Variants in GPI observed in about 807,000 individuals in gnomAD.
The protein encoded by GPI is glucose-6-phosphate isomerase, also known as D-hexose-6-phosphate anomerase.
In GPI, 56 loss-of-function variants were observed where a neutral mutation model predicts 75.8. That is an observed-to-expected ratio of 0.74 (90% confidence interval 0.60 to 0.92). The LOEUF is 0.92. Ranked by LOEUF, GPI falls within the 40% of genes least tolerant of loss-of-function variation. The probability of loss-of-function intolerance (pLI) is 0.00; values close to 1 mark genes in which losing one functional copy is unlikely to be tolerated. For synonymous variants in GPI, 288 were observed against 285.4 expected, an observed-to-expected ratio of 1.01 and a Z score of -0.09; for missense variants, 638 against 741.0, an observed-to-expected ratio of 0.86 and a Z score of 1.61.
At chr19:34,380,288 G>C (rs971735623) in intron 8 of GPI, among the ~76,000 whole-genome samples, 6 of 148,424 alleles carry the variant, frequency 4.0e-5, no homozygotes, top group African/African-American at 1.5e-4. Flanking sequence ...GTGCCACCAT[G>C]TCCAGCTTAT....
At position 34,365,234 on chromosome 19, in the gene GPI, C is replaced by T. The variant is rs374135310; in HGVS notation, c.-33C>T. On this transcript the variant is annotated 5_prime_UTR_variant, in exon 1 of 18. Transcript: ENST00000356487. ...TGCCGGCGCTCCTTCCTCCTCGGCT[C>T]GCGTCTCACTCAGTGTACCTTCTAG... is the stretch of plus-strand genomic sequence containing the variant. 6 of 1,468,614 alleles carry T rather than the reference C, an allele frequency of 4.1e-6. No individual in the cohort carries two copies. The South Asian group carries it at 7.0e-5, about 17-fold the overall frequency. 91.0% of individuals were successfully genotyped at this position (1,468,614 alleles called of 1,614,324 possible). A position where few individuals can be genotyped will look rare whatever the true frequency, so the allele number is the denominator to read the frequency against.
At position 34,393,088 on chromosome 19, in the gene GPI, A is replaced by G. The variant is rs1353919825; in HGVS notation, c.805-160A>G. On this transcript the variant is annotated intron_variant, in intron 9 of 17. Transcript: ENST00000356487. This position sits in a 1 kb window ranked among gnomAD's most constrained non-coding sequence, Gnocchi z 4.4. ...TGTAGTCTGCCCTGTTGGTCTTCCC[A>G]TGTGTTGCCAGCACCTGCCTGCTGC... 4.3e-6 allele frequency: 3 copies of G among 690,888 alleles called. No homozygotes were observed. In the East Asian group the frequency reaches 8.1e-5, roughly 19 times the overall value. The allele number at this position is 690,888 out of a possible 1,614,324, so 42.8% of individuals were successfully genotyped here.
At chr19:34,377,994 A>G in intron 6 of GPI, 113 bp downstream of exon 6, 1 of 1,103,704 alleles carries the variant, frequency 9.1e-7, no homozygotes, top group Non-Finnish European at 1.4e-6. Flanking sequence ...TTCCGAGTGA[A>G]CCATGGTTTG....
chr19:34,373,432 C>T (rs1001481387), intron 4 of GPI, among the ~76,000 whole-genome samples: 7 of 150,378 alleles, frequency 4.7e-5, no homozygotes, highest in East Asian at 2.0e-4. Context: ...TGGTGCATGC[C>T]GGTAGTCCCA....
chr19:34,370,615 C>T lies in GPI; in HGVS notation c.402+1913C>T, dbSNP rs150111969. ...TGGCGAGCACCTGTAATATCAGCTA[C>T]TGGGGAGGCTGAGGCAGGAGAATCT... On this transcript the variant is annotated intron_variant, in intron 4 of 17. Coordinates refer to ENST00000356487, the MANE Select transcript of GPI (RefSeq NM_000175.5). Among the ~76,000 whole-genome samples the T allele has an allele frequency of 9.9e-5, 15 of 152,024 alleles. No individual in the cohort carries two copies. The East Asian group carries it at 2.7e-3, about 27-fold the overall frequency.
intron 6 of GPI, 51 bp from the exon 7 acceptor site, chr19:34,378,883 C>CT (rs1219246539): frequency 3.5e-6 from 5 of 1,421,026 alleles, no homozygotes; most frequent in African/African-American, 1.4e-5. Flanking sequence ...GGCTCAAGGC[C>CT]TGCACCCACC....
At chr19:34,368,803 G>T in intron 4 of GPI, 101 bp downstream of exon 4, 1 of 1,378,934 alleles carries the variant, frequency 7.3e-7, no homozygotes, top group South Asian at 1.2e-5. Context: ...TTGTAGGCAG[G>T]ACTCAGGTTC....
At position 34,400,038 on chromosome 19, in the gene GPI, C is replaced by T. The variant is rs373951256; in HGVS notation, c.*2C>T. On this transcript the variant is annotated 3_prime_UTR_variant, in exon 18 of 18. Coordinates refer to ENST00000356487, the MANE Select transcript of GPI (RefSeq NM_000175.5). ...CAGCGCGAGGCCAGAGTCCAATAAA[C>T]TCGTGCTCATCTGCAGCCTCCTCTG... 1.6e-5 allele frequency: 25 copies of T among 1,610,610 alleles called. No homozygotes were observed. Among genetic ancestry groups the T allele is most frequent in the Non-Finnish European group, 1.8e-5 (21 of 1,179,976 alleles).
chr19:34,395,761 C>T (rs1203952700), intron 12 of GPI, among the ~76,000 whole-genome samples: 1 of 152,110 alleles, frequency 6.6e-6, no homozygotes, highest in East Asian at 1.9e-4. Context: ...TGCCTGTGGA[C>T]ACGTGTGCAG....
intron 1 of GPI, 124 bp downstream of exon 1, chr19:34,365,512 A>T (rs2074347670): frequency 7.0e-7 from 1 of 1,422,586 alleles, no homozygotes; most frequent in Non-Finnish European, 9.5e-7. Context: ...CAGGCCACGG[A>T]CTGGGGCCCA....
At chr19:34,379,616 C>A in intron 8 of GPI, 54 bp downstream of exon 8, 1 of 1,393,322 alleles carries the variant, frequency 7.2e-7, no homozygotes, top group Non-Finnish European at 1.0e-6. Flanking sequence ...CCAGCATGTC[C>A]AGGTCATGGC....
chr19:34,395,525 G>A (rs1488148180), intron 12 of GPI, among the ~76,000 whole-genome samples: 1 of 152,188 alleles, frequency 6.6e-6, no homozygotes, highest in African/African-American at 2.4e-5. Flanking sequence ...CTGAGTGACA[G>A]AGTGAGACTC....
rs750977047 is a variant in GPI, at chr19:34,381,496, C to G, written c.781C>G (p.Gln261Glu). The G allele has an allele frequency of 1.6e-5, 26 of 1,608,832 alleles. No individual in the cohort carries two copies. Among genetic ancestry groups the G allele is most frequent in the Non-Finnish European group, 2.0e-5 (23 of 1,175,452 alleles). The change falls in exon 9 of 18, where the codon CAA (glutamine) becomes GAA (glutamate). Residue 261 changes from glutamine (Q) to glutamate (E), a missense_variant. Transcript: ENST00000356487. ...AGTGAAGGAGTTTGGAATTGACCCT[C>G]AAAACATGTTCGAGTTCTGGGATGT... is the stretch of plus-strand genomic sequence containing the variant. ...TKVKEFGIDP[Q>E]NMFEFWDWVG...
At chr19:34,378,803 C>T in intron 6 of GPI, 131 bp from the exon 7 acceptor site, 1 of 740,586 alleles carries the variant, frequency 1.4e-6, no homozygotes, top group Non-Finnish European at 2.5e-6. Flanking sequence ...TGTGGCGTCA[C>T]TGTCACTGAC....
chr19:34,384,604 A>G (rs977814961), intron 9 of GPI, among the ~76,000 whole-genome samples: 3 of 152,220 alleles, frequency 2.0e-5, no homozygotes, highest in African/African-American at 7.2e-5. Context: ...AGTCCGGATT[A>G]GGCTCATCTA....
rs200862843 is a variant in GPI, at chr19:34,399,800, T to C, written c.1541+15T>C. 3 of 1,613,716 alleles carry C rather than the reference T, an allele frequency of 1.9e-6. No homozygotes were observed. The East Asian group carries it at 6.7e-5, about 36-fold the overall frequency. ...GACCAGTGGGGGTGAGTTGCTCACT[T>C]AGGGGAGGGCCGGGAATACCTTTGT... On this transcript the variant is annotated intron_variant, in intron 17 of 17. Transcript: ENST00000356487.
At chr19:34,378,868 AC>A in intron 6 of GPI, 65 bp from the exon 7 acceptor site, 1 of 1,218,018 alleles carries the variant, frequency 8.2e-7, no homozygotes, top group Non-Finnish European at 1.2e-6. Flanking sequence ...CTACTGCTGA[AC>A]CCTGGCTCAA....
chr19:34,371,840 G>A (rs2074457699), intron 4 of GPI, among the ~76,000 whole-genome samples: 1 of 150,276 alleles, frequency 6.7e-6, no homozygotes, highest in South Asian at 2.1e-4. Context: ...GGGCAACAGA[G>A]TGAGACTTTG....
At chr19:34,388,561 C>T (rs1269342641) in intron 9 of GPI, among the ~76,000 whole-genome samples, 2 of 152,076 alleles carry the variant, frequency 1.3e-5, no homozygotes, top group Non-Finnish European at 2.9e-5. Flanking sequence ...GCAGGTTAGG[C>T]CCAGGACATT....
Sources: gnomAD v4.1 joint callset for allele counts (sites outside exome capture counted in the v4.1 genomes callset) on GRCh38, gnomAD v4.1.1 for gene constraint, Gnocchi (gnomAD v3.1) non-coding constraint, MANE v1.5 for transcripts, NCBI Gene and HGNC (gene_info 2026-07-23, HGNC 2026-07-21) for gene names.